Variants in SHANK2 observed in about 807,000 individuals in gnomAD.
The protein encoded by SHANK2 is SH3 and multiple ankyrin repeat domains 2.
A neutral mutation model predicts 133.7 loss-of-function variants in SHANK2; 43 were observed. The ratio of observed to expected loss-of-function variants is 0.32; its 90% CI spans 0.25 to 0.41. SHANK2 has a LOEUF of 0.41. Ranked by LOEUF, SHANK2 falls within the 10% of genes least tolerant of loss-of-function variation. SHANK2 has a pLI of 1.00. For synonymous variants in SHANK2, 1,017 were observed against 952.8 expected (o/e 1.07, Z -1.24); for missense variants, 1,994 against 2,235.8 (o/e 0.89, Z 2.18).
Position 70,486,986 on chromosome 11 carries a change from G to A in SHANK2, c.3307C>T (p.Leu1103Phe), listed in dbSNP as rs771626952. ...LEARRNSPAF[L>F]STDLGDEDVG... Reference sequence around the variant, plus strand: ...TCCTCATCCCCCAGGTCTGTGGAGAGGAAGGCCGGGGAGTTCCTCCTGGCT... The same window carrying A: ...TCCTCATCCCCCAGGTCTGTGGAGAAGAAGGCCGGGGAGTTCCTCCTGGCT... The change falls in exon 25 of 26, where the codon CTC becomes TTC. Residue 1103 changes from leucine to phenylalanine, a missense_variant. By Grantham distance (22) the Leu-to-Phe change is conservative. Coordinates refer to ENST00000601538, the MANE Select transcript of SHANK2 (RefSeq NM_012309.5). The surrounding 1 kb of genome is among the most constrained non-coding windows in gnomAD (Gnocchi z 8.0). 8.7e-6 allele frequency: 14 copies of A among 1,611,360 alleles called. No individual in the cohort carries two copies. Among genetic ancestry groups the A allele is most frequent in the Admixed American group, 1.7e-5 (1 of 60,004 alleles).
chr11:70,502,745 C>CCA (rs2059076644), intron 18 of SHANK2, 51 bp downstream of exon 18: 1 of 883,802 alleles, frequency 1.1e-6, no homozygotes. Flanking sequence ...GCCCCCACCC[C>CCA]CCCCCCCCAG....
chr11:70,743,373 C>T (rs539928940), intron 14 of SHANK2, among the ~76,000 whole-genome samples: 6 of 152,266 alleles, frequency 3.9e-5, no homozygotes, highest in Non-Finnish European at 7.3e-5. Flanking sequence ...AGTGTCTTTG[C>T]GAGAATAGAC....
chr11:70,942,932 TA>T lies in SHANK2; in HGVS notation c.1108-46366del, dbSNP rs1341743983. On this transcript the variant is annotated intron_variant, in intron 10 of 25. Transcript: ENST00000601538. ...GTGCTGGGTGCCAGGAGAATAAAGA[TA>T]GATGGGAAAGTGCATCCCTCTCAAA... is the stretch of plus-strand genomic sequence containing the variant. The T allele has an allele frequency of 2.2e-5, 10 of 452,748 alleles. No homozygotes were observed. In the East Asian group the frequency reaches 6.3e-4, roughly 28 times the overall value. The allele number at this position is 452,748 out of a possible 1,614,324, so 28.0% of individuals were successfully genotyped here.
chr11:70,564,721 T>C (rs1399967655), intron 17 of SHANK2, among the ~76,000 whole-genome samples: 2 of 152,242 alleles, frequency 1.3e-5, no homozygotes, highest in East Asian at 3.9e-4. Context: ...ATAGTTTCTA[T>C]TGAGACTTCT....
intron 12 of SHANK2, among the ~76,000 whole-genome samples, chr11:70,820,086 G>T (rs1422110186): frequency 2.0e-5 from 3 of 152,182 alleles, no homozygotes; most frequent in Non-Finnish European, 4.4e-5. Context: ...GAGGCCAGCA[G>T]TATCCCCAGT....
rs116168261 is a variant in SHANK2 at position 70,506,992 on chromosome 11, A to C, written c.2062-4061T>G. Among the ~76,000 whole-genome samples the C allele has an allele frequency of 1.4e-3, 215 of 152,346 alleles. 1 individual carries two copies. Among genetic ancestry groups the C allele is most frequent in the African/African-American group, 5.1e-3 (210 of 41,578 alleles). On this transcript the variant is annotated intron_variant, in intron 17 of 25. Coordinates refer to ENST00000601538, the MANE Select transcript of SHANK2 (RefSeq NM_012309.5). ...TCAAATCCCACCCACACAGTGCCTC[A>C]GTCAGTTTTAACTTAGCTGTCACAA...
chr11:70,576,321 G>C (rs2060115583), intron 17 of SHANK2, among the ~76,000 whole-genome samples: 1 of 152,134 alleles, frequency 6.6e-6, no homozygotes, highest in African/African-American at 2.4e-5. Context: ...CCTGGGGAGA[G>C]AGCCGTGCCA....
intron 17 of SHANK2, among the ~76,000 whole-genome samples, chr11:70,521,756 G>A (rs146629696): frequency 1.5e-4 from 23 of 152,278 alleles, no homozygotes. Context: ...ACAGCAGCAC[G>A]CTGGTCACAT....
intron 17 of SHANK2, among the ~76,000 whole-genome samples, chr11:70,514,694 CCTTGATCCA>C (rs2059244546): frequency 6.6e-6 from 1 of 152,102 alleles, no homozygotes; most frequent in Non-Finnish European, 1.5e-5. Flanking sequence ...ATACTGTAAT[CCTTGATCCA>C]CTGCTAAAAG....
chr11:71,157,984 C>A (rs1375047971), intron 2 of SHANK2, among the ~76,000 whole-genome samples: 1 of 152,182 alleles, frequency 6.6e-6, no homozygotes, highest in African/African-American at 2.4e-5. Context: ...AGAGGCCCAG[C>A]CACGGACAGC....
intron 2 of SHANK2, among the ~76,000 whole-genome samples, chr11:71,204,586 C>T (rs573607233): frequency 1.3e-5 from 2 of 152,304 alleles, no homozygotes; most frequent in Non-Finnish European, 1.5e-5. Context: ...CACCTGGACG[C>T]CTGTACCCTG....
At chr11:70,678,532 C>CA (rs1491534302) in intron 15 of SHANK2, among the ~76,000 whole-genome samples, 9 of 77,070 alleles carry the variant, frequency 1.2e-4, no homozygotes, top group African/African-American at 4.4e-4. Flanking sequence ...TAAGAACAGG[C>CA]TTTTTTTTTT....
intron 1 of SHANK2, among the ~76,000 whole-genome samples, chr11:71,245,263 AG>A (rs1954945517): frequency 6.6e-6 from 1 of 152,202 alleles, no homozygotes; most frequent in South Asian, 2.1e-4. Context: ...TACAGGCCTG[AG>A]CCACCTCGAC....
At chr11:71,166,583 A>G (rs113843180) in intron 2 of SHANK2, among the ~76,000 whole-genome samples, 37,247 of 150,344 alleles carry the variant, frequency 0.25, 5,043 homozygotes, top group African/African-American at 0.34. Context: ...CAAGGTTCAA[A>G]CGATTCTCCT....
rs557478278 is a variant in SHANK2 at position 70,740,312 on chromosome 11, G to C, written c.1778-41549C>G. ...TAAAGGTTGTCCGCAATGGGTTCTC[G>C]TGACAACCCATGAGAAGGGCTCCCT... On this transcript the variant is annotated intron_variant, in intron 14 of 25. Transcript: ENST00000601538. Among the ~76,000 whole-genome samples, 6 of 152,304 alleles carry C rather than the reference G, an allele frequency of 3.9e-5. No individual in the cohort carries two copies. The East Asian group carries it at 1.2e-3, about 29-fold the overall frequency.
rs138103638 is a variant in SHANK2, at chr11:70,676,225, C to T, written c.1854-14547G>A. Reference sequence around the variant, plus strand: ...CTCTGGCACTCTTCCCAGCTTGCTGCCTGCTGCAGCGACTGGAAAAGCCAG... The same window carrying T: ...CTCTGGCACTCTTCCCAGCTTGCTGTCTGCTGCAGCGACTGGAAAAGCCAG... On this transcript the variant is annotated intron_variant, in intron 15 of 25. Transcript: ENST00000601538. 5.4e-4 allele frequency among the ~76,000 whole-genome samples: 83 copies of T among 152,384 alleles called. 1 individual carries two copies. The East Asian group carries it at 0.015, about 27-fold the overall frequency.
intron 14 of SHANK2, among the ~76,000 whole-genome samples, chr11:70,782,690 C>T (rs1947530429): frequency 6.6e-6 from 1 of 152,188 alleles, no homozygotes; most frequent in African/African-American, 2.4e-5. Flanking sequence ...AACAGACAAG[C>T]CTGAAGAAAA....
chr11:70,896,781 T>C (rs1555075797), intron 10 of SHANK2, among the ~76,000 whole-genome samples: 2 of 152,212 alleles, frequency 1.3e-5, no homozygotes, highest in African/African-American at 4.8e-5. Flanking sequence ...AAGGTTGTCG[T>C]TGCTCTACAA....
rs1343392163 is a variant in SHANK2 at position 71,090,636 on chromosome 11, T to C, written c.912+1786A>G. Among the ~76,000 whole-genome samples the C allele has an allele frequency of 2.0e-5, 3 of 146,476 alleles. No homozygotes were observed. In the East Asian group the frequency reaches 6.0e-4, roughly 29 times the overall value. On this transcript the variant is annotated intron_variant, in intron 8 of 25. Transcript: ENST00000601538. ...GAGAAACACAACCTCTGTGTGTGTGTGTGTGTGTGTGTGTGTGTGTGTGTC... is the reference window on the plus strand; with the variant it reads ...GAGAAACACAACCTCTGTGTGTGTGCGTGTGTGTGTGTGTGTGTGTGTGTC...
Sources: allele counts gnomAD v4.1 joint callset (sites outside exome capture counted in the v4.1 genomes callset), GRCh38; gene constraint gnomAD v4.1.1; non-coding constraint Gnocchi (gnomAD v3.1); transcripts MANE v1.5; gene names NCBI Gene and HGNC (gene_info 2026-07-23, HGNC 2026-07-21).